The following EIF4EBP2 variants were observed in gnomAD, a reference collection of about 807,000 sequenced individuals.
EIF4EBP2 encodes eukaryotic translation initiation factor 4E binding protein 2.
A neutral mutation model predicts 10.3 loss-of-function variants in EIF4EBP2; 5 were observed. That is an observed-to-expected ratio of 0.48 (90% CI 0.25 to 1.02). The LOEUF is 1.02. Ranked by LOEUF, EIF4EBP2 falls within the 50% of genes least tolerant of loss-of-function variation. The pLI is 0.15. For missense variants in EIF4EBP2, 188 were observed against 162.2 expected (o/e 1.16, Z -0.86); for synonymous variants, 67 against 61.1 (o/e 1.10, Z -0.45).
chr10:70,409,919 T>C (rs905270416), intron 1 of EIF4EBP2, among the ~76,000 whole-genome samples: 4 of 152,212 alleles, frequency 2.6e-5, no homozygotes, highest in Non-Finnish European at 5.9e-5. Context: ...GGATAGTTGA[T>C]ATGATTGGTT....
At chr10:70,416,868 T>TCC (rs1845101785) in intron 1 of EIF4EBP2, among the ~76,000 whole-genome samples, 2 of 152,032 alleles carry the variant, frequency 1.3e-5, no homozygotes, top group Non-Finnish European at 2.9e-5. Flanking sequence ...GATTTTGCCA[T>TCC]GTTGCCCAGG....
Position 70,424,084 on chromosome 10 carries a change from A to G in EIF4EBP2, c.*2337A>G, listed in dbSNP as rs1397380849. 1.3e-5 allele frequency: 2 copies of G among 152,196 alleles called. No homozygotes were observed. The highest frequency in any genetic ancestry group is 2.4e-5 in the African/African-American group (1 of 41,448). 9.4% of individuals were successfully genotyped at this position (152,196 alleles called of 1,614,324 possible). A position where few individuals can be genotyped will look rare whatever the true frequency, so the allele number is the denominator to read the frequency against. On this transcript the variant is annotated 3_prime_UTR_variant, in exon 3 of 3. Transcript: ENST00000373218. ...CCAACTAGCAGCTAGTCAGTCTGTC[A>G]GTGAGCAGAAGAGTGAACTCTTCTT...
In EIF4EBP2 at chr10:70,421,792, T is replaced by C. The variant is rs200128194; in HGVS notation, c.*45T>C. On this transcript the variant is annotated 3_prime_UTR_variant, in exon 3 of 3. Coordinates refer to ENST00000373218, the MANE Select transcript of EIF4EBP2 (RefSeq NM_004096.5). ...AGAAAAGCAGCAACACTGATACTTG[T>C]GTGCACCTGATTTGGCCAATAGGAT... 135 of 1,599,568 alleles carry C rather than the reference T, an allele frequency of 8.4e-5. 1 individual carries two copies. In the African/African-American group the frequency reaches 1.3e-3, roughly 15 times the overall value.
intron 1 of EIF4EBP2, among the ~76,000 whole-genome samples, chr10:70,415,127 T>C (rs960087924): frequency 1.3e-5 from 2 of 148,280 alleles, no homozygotes; most frequent in African/African-American, 5.0e-5. Context: ...TTCTGCCCTC[T>C]AGCTTGGACG....
rs187671571 is a variant in EIF4EBP2, at chr10:70,406,326, A to G, written c.145+1780A>G. ...TTTGGCAGACCAGAATCTGCTCCATATAAGAGTTGTCTTGAACTTGAACTG... is the reference window on the plus strand; with the variant it reads ...TTTGGCAGACCAGAATCTGCTCCATGTAAGAGTTGTCTTGAACTTGAACTG... On this transcript the variant is annotated intron_variant, in intron 1 of 2. Transcript: ENST00000373218. Among the ~76,000 whole-genome samples the G allele has an allele frequency of 2.2e-4, 34 of 152,332 alleles. No homozygotes were observed. The East Asian group carries it at 5.6e-3, about 25-fold the overall frequency.
At chr10:70,406,986 C>T (rs1844970827) in intron 1 of EIF4EBP2, among the ~76,000 whole-genome samples, 1 of 152,188 alleles carries the variant, frequency 6.6e-6, no homozygotes, top group African/African-American at 2.4e-5. Context: ...CAAGCTCTGC[C>T]TCCTGGGTTC....
intron 1 of EIF4EBP2, among the ~76,000 whole-genome samples, chr10:70,406,163 G>A (rs1053620315): frequency 6.6e-6 from 1 of 152,018 alleles, no homozygotes; most frequent in Non-Finnish European, 1.5e-5. Context: ...TTGTATTTTG[G>A]TAGAGTCTGG....
rs949379474 is a variant in EIF4EBP2 at position 70,427,902 on chromosome 10, A to G, written c.*6155A>G. The G allele has an allele frequency of 3.9e-5, 6 of 152,034 alleles. No homozygotes were observed. Among genetic ancestry groups the G allele is most frequent in the African/African-American group, 1.4e-4 (6 of 41,386 alleles). The allele number at this position is 152,034 out of a possible 1,614,324, so 9.4% of individuals were successfully genotyped here. Reference sequence around the variant, plus strand: ...CCTGGACACTTAGAAAATTCCATGAATCTAGCACAAAATATCCATTCTTGC... The same window carrying G: ...CCTGGACACTTAGAAAATTCCATGAGTCTAGCACAAAATATCCATTCTTGC... On this transcript the variant is annotated 3_prime_UTR_variant, in exon 3 of 3. Transcript: ENST00000373218.
At position 70,425,634 on chromosome 10, in the gene EIF4EBP2, A is replaced by G. The variant is rs1350622973; in HGVS notation, c.*3887A>G. ...GGAGTAGTAGAAAATAATATGCCTG[A>G]CTACCAACAGCTCAAGTATGCTTAT... On this transcript the variant is annotated 3_prime_UTR_variant, in exon 3 of 3. Transcript: ENST00000373218. 6.6e-6 allele frequency: 1 copy of G among 152,222 alleles called. No individual in the cohort carries two copies. The highest frequency in any genetic ancestry group is 1.5e-5 in the Non-Finnish European group (1 of 68,040). 9.4% of individuals were successfully genotyped at this position (152,222 alleles called of 1,614,324 possible). A position where few individuals can be genotyped will look rare whatever the true frequency, so the allele number is the denominator to read the frequency against.
At chr10:70,410,765 G>A (rs1845035910) in intron 1 of EIF4EBP2, among the ~76,000 whole-genome samples, 1 of 152,244 alleles carries the variant, frequency 6.6e-6, no homozygotes, top group African/African-American at 2.4e-5. Flanking sequence ...TTTTCTGAGT[G>A]CATTAGAAGC....
intron 1 of EIF4EBP2, among the ~76,000 whole-genome samples, chr10:70,407,731 C>CG (rs371825972): frequency 2.3e-3 from 9 of 3,924 alleles, no homozygotes; most frequent in Non-Finnish European, 6.8e-3. Flanking sequence ...GGGGGGCTGA[C>CG]CCCCCCCCCA....
chr10:70,407,581 C>G (rs900093873), intron 1 of EIF4EBP2, among the ~76,000 whole-genome samples: 2 of 152,100 alleles, frequency 1.3e-5, no homozygotes, highest in Admixed American at 6.5e-5. Flanking sequence ...CCTTTCTATT[C>G]CACAAAACCG....
At chr10:70,405,066 C>G (rs951767409) in intron 1 of EIF4EBP2, among the ~76,000 whole-genome samples, 4 of 152,212 alleles carry the variant, frequency 2.6e-5, no homozygotes, top group Non-Finnish European at 5.9e-5. Context: ...CCTCGCCCAG[C>G]GTTATCCCGC....
chr10:70,409,675 G>A (rs1003948833), intron 1 of EIF4EBP2, among the ~76,000 whole-genome samples: 2 of 152,152 alleles, frequency 1.3e-5, no homozygotes, highest in East Asian at 1.9e-4. Flanking sequence ...GATTCTTTCC[G>A]CTACCTTATT....
Position 70,423,779 on chromosome 10 carries a change from C to A in EIF4EBP2, c.*2032C>A, listed in dbSNP as rs1192323202. 1 of 152,624 alleles carries A rather than the reference C, an allele frequency of 6.6e-6. No individual in the cohort carries two copies. The highest frequency in any genetic ancestry group is 1.5e-5 in the Non-Finnish European group (1 of 68,030). 9.5% of individuals were successfully genotyped at this position (152,624 alleles called of 1,614,324 possible). A position where few individuals can be genotyped will look rare whatever the true frequency, so the allele number is the denominator to read the frequency against. On this transcript the variant is annotated 3_prime_UTR_variant, in exon 3 of 3. Transcript: ENST00000373218. Reference sequence around the variant, plus strand: ...AAACCTTTTGTGATGGTTGATGTCTCAGGAATAAGCTGGATCTCCAATGTT... The same window carrying A: ...AAACCTTTTGTGATGGTTGATGTCTAAGGAATAAGCTGGATCTCCAATGTT...
At chr10:70,407,850 C>T (rs113437303) in intron 1 of EIF4EBP2, among the ~76,000 whole-genome samples, 12 of 123,534 alleles carry the variant, frequency 9.7e-5, no homozygotes, top group South Asian at 5.7e-4. Context: ...GCTGGCCGGG[C>T]GGGGGGCTGA....
chr10:70,414,939 T>G (rs1845078207), intron 1 of EIF4EBP2, among the ~76,000 whole-genome samples: 1 of 151,978 alleles, frequency 6.6e-6, no homozygotes. Flanking sequence ...GGCAGATGGC[T>G]TGAGCCCAGG....
chr10:70,421,965 A>G lies in EIF4EBP2; in HGVS notation c.*218A>G, dbSNP rs1411085419. 3 of 541,258 alleles carry G rather than the reference A, an allele frequency of 5.5e-6. No homozygotes were observed. The highest frequency in any genetic ancestry group is 9.9e-6 in the Non-Finnish European group (3 of 302,374). The allele number at this position is 541,258 out of a possible 1,614,324, so 33.5% of individuals were successfully genotyped here. ...CTCCTGTTCCCCTTCCCAGTTAAAC[A>G]GGTTAGATTGAAGGCCCTTGCTGTA... On this transcript the variant is annotated 3_prime_UTR_variant, in exon 3 of 3. Transcript: ENST00000373218.
chr10:70,413,992 C>T (rs1845068707), intron 1 of EIF4EBP2, among the ~76,000 whole-genome samples: 1 of 152,086 alleles, frequency 6.6e-6, no homozygotes, highest in Non-Finnish European at 1.5e-5. Flanking sequence ...GCTGACATAG[C>T]GTTGGAGGGA....
Sources: gnomAD v4.1 joint callset for allele counts (sites outside exome capture counted in the v4.1 genomes callset) on GRCh38, gnomAD v4.1.1 for gene constraint, MANE v1.5 for transcripts, NCBI Gene and HGNC (gene_info 2026-07-23, HGNC 2026-07-21) for gene names.